Variants in TMTC1 observed in about 807,000 individuals in gnomAD.
The protein encoded by TMTC1 is transmembrane O-mannosyltransferase targeting cadherins 1.
In TMTC1, 73 loss-of-function variants were observed where a neutral mutation model predicts 104.8. The observed-to-expected ratio is 0.70, with a 90% CI of 0.58 to 0.85. The LOEUF is 0.85. Among genes scored for constraint, TMTC1 ranks in the 40% least tolerant of loss-of-function variants. The pLI is 0.00. For synonymous variants in TMTC1, 434 were observed against 428.7 expected (o/e 1.01, Z -0.15); for missense variants, 1,035 against 1,096.1 (o/e 0.94, Z 0.79).
intron 5 of TMTC1, among the ~76,000 whole-genome samples, chr12:29,722,258 C>T (rs1173925711): frequency 6.6e-6 from 1 of 152,054 alleles, no homozygotes; most frequent in Non-Finnish European, 1.5e-5. Flanking sequence ...ATACATGAAA[C>T]TTTTATAAAT....
At chr12:29,613,022 A>G (rs1243748174) in intron 6 of TMTC1, among the ~76,000 whole-genome samples, 2 of 152,126 alleles carry the variant, frequency 1.3e-5, no homozygotes, top group African/African-American at 4.8e-5. Flanking sequence ...TTAAATCTAC[A>G]CACATTCTTA....
At chr12:29,566,478 G>A (rs955133523) in intron 9 of TMTC1, among the ~76,000 whole-genome samples, 1 of 152,152 alleles carries the variant, frequency 6.6e-6, no homozygotes, top group Non-Finnish European at 1.5e-5. Context: ...GGCTGGTCTT[G>A]AACTCCTGAC....
At chr12:29,513,960 C>A (rs1187327927) in intron 16 of TMTC1, among the ~76,000 whole-genome samples, 2 of 152,090 alleles carry the variant, frequency 1.3e-5, no homozygotes, top group African/African-American at 2.4e-5. Context: ...TTTCAAACGA[C>A]TGGTACCTTC....
chr12:29,756,213 G>T (rs984594247), intron 3 of TMTC1, among the ~76,000 whole-genome samples: 8 of 152,192 alleles, frequency 5.3e-5, no homozygotes, highest in Middle Eastern at 3.2e-3. Context: ...ATATGCATAA[G>T]CTCAGGGGCC....
Position 29,523,978 on chromosome 12 carries a change from T to C in TMTC1, c.1786-3258A>G, listed in dbSNP as rs373391060. 7.2e-5 allele frequency among the ~76,000 whole-genome samples: 11 copies of C among 152,298 alleles called. No homozygotes were observed. In the East Asian group the frequency reaches 1.9e-3, roughly 27 times the overall value. ...TTCTTCCTTTTGGTTATGATTTTAC[T>C]TAGGTGAGTGTGACCATTAGGCTTT... is the stretch of plus-strand genomic sequence containing the variant. On this transcript the variant is annotated intron_variant, in intron 11 of 17. Coordinates refer to ENST00000539277, the MANE Select transcript of TMTC1 (RefSeq NM_001193451.2).
chr12:29,636,035 T>C (rs185389942), intron 5 of TMTC1, among the ~76,000 whole-genome samples: 5 of 152,352 alleles, frequency 3.3e-5, no homozygotes, highest in Non-Finnish European at 7.3e-5. Context: ...ACAATCACTG[T>C]TAAAGTGTGA....
intron 2 of TMTC1, among the ~76,000 whole-genome samples, chr12:29,759,886 A>G (rs1943303373): frequency 6.6e-6 from 1 of 152,208 alleles, no homozygotes; most frequent in Non-Finnish European, 1.5e-5. Context: ...TATATTATAA[A>G]CCATTGAAAA....
chr12:29,721,920 CA>C (rs970105424), intron 5 of TMTC1, among the ~76,000 whole-genome samples: 3 of 150,154 alleles, frequency 2.0e-5, no homozygotes, highest in Admixed American at 6.6e-5. Flanking sequence ...TTTTCTAAAA[CA>C]AAAAAAAATC....
At chr12:29,701,590 C>G (rs1388168478) in intron 5 of TMTC1, among the ~76,000 whole-genome samples, 1 of 152,212 alleles carries the variant, frequency 6.6e-6, no homozygotes, top group Non-Finnish European at 1.5e-5. Context: ...CCTCTTTTAT[C>G]CTCACTAGCT....
chr12:29,755,639 T>C, intron 4 of TMTC1, 70 bp downstream of exon 4: 1 of 1,215,264 alleles, frequency 8.2e-7, no homozygotes, highest in Non-Finnish European at 1.1e-6. Flanking sequence ...AATGGAAGTT[T>C]GGAAACTATT....
At chr12:29,595,679 G>T (rs1946387639) in intron 7 of TMTC1, among the ~76,000 whole-genome samples, 1 of 152,202 alleles carries the variant, frequency 6.6e-6, no homozygotes, top group African/African-American at 2.4e-5. Context: ...CACAGCGAGA[G>T]CAAAGGCACA....
At chr12:29,579,530 C>T (rs1945917970) in intron 8 of TMTC1, among the ~76,000 whole-genome samples, 1 of 152,154 alleles carries the variant, frequency 6.6e-6, no homozygotes, top group Non-Finnish European at 1.5e-5. Context: ...ATGTTAATTG[C>T]TGGTCTGTGG....
intron 11 of TMTC1, among the ~76,000 whole-genome samples, chr12:29,528,757 G>A (rs1272276290): frequency 2.6e-5 from 4 of 152,044 alleles, no homozygotes; most frequent in Non-Finnish European, 4.4e-5. Flanking sequence ...AAAAGTTACT[G>A]AGAATTCCAA....
At chr12:29,531,836 T>G (rs1944512766) in intron 11 of TMTC1, among the ~76,000 whole-genome samples, 1 of 152,158 alleles carries the variant, frequency 6.6e-6, no homozygotes, top group Non-Finnish European at 1.5e-5. Flanking sequence ...TCTGGGTTTC[T>G]TTTATCTCTT....
At chr12:29,738,226 A>T (rs1214403215) in intron 5 of TMTC1, among the ~76,000 whole-genome samples, 2 of 152,194 alleles carry the variant, frequency 1.3e-5, no homozygotes, top group Non-Finnish European at 2.9e-5. Flanking sequence ...AACCCATTTT[A>T]TGTGACTCCA....
At chr12:29,537,379 T>C (rs973850725) in intron 10 of TMTC1, among the ~76,000 whole-genome samples, 5 of 152,200 alleles carry the variant, frequency 3.3e-5, no homozygotes, top group Non-Finnish European at 7.3e-5. Context: ...GTAGATATTA[T>C]TGTTCTATTA....
intron 5 of TMTC1, among the ~76,000 whole-genome samples, chr12:29,688,938 G>A (rs1306251124): frequency 6.6e-6 from 1 of 152,060 alleles, no homozygotes; most frequent in African/African-American, 2.4e-5. Context: ...TGACCAATGA[G>A]ATCTAAGAAA....
intron 5 of TMTC1, among the ~76,000 whole-genome samples, chr12:29,671,423 G>C (rs1046460720): frequency 6.6e-6 from 1 of 152,084 alleles, no homozygotes; most frequent in East Asian, 1.9e-4. Context: ...CAACCAAAAT[G>C]TTGAACACCG....
intron 9 of TMTC1, among the ~76,000 whole-genome samples, chr12:29,560,579 C>T (rs867502718): frequency 6.6e-6 from 1 of 151,184 alleles, no homozygotes; most frequent in Non-Finnish European, 1.5e-5. Context: ...GACAACATGG[C>T]GAAACCCTGT....
Sources: gnomAD v4.1 joint callset for allele counts (sites outside exome capture counted in the v4.1 genomes callset) on GRCh38, gnomAD v4.1.1 for gene constraint, MANE v1.5 for transcripts, NCBI Gene and HGNC (gene_info 2026-07-23, HGNC 2026-07-21) for gene names.